The following STXBP5L variants were observed in gnomAD, a reference collection of about 807,000 sequenced individuals.
STXBP5L encodes syntaxin-binding protein 5-like.
In STXBP5L, 65 loss-of-function variants were observed where a neutral mutation model predicts 144.5. That is an observed-to-expected ratio of 0.45 (90% CI 0.37 to 0.55). The LOEUF (loss-of-function observed/expected upper bound fraction) is 0.55. Among genes scored for constraint, STXBP5L ranks in the 20% least tolerant of loss-of-function variants. The pLI is 0.00. For synonymous variants in STXBP5L, 505 were observed against 469.6 expected, an observed-to-expected ratio of 1.08 and a Z score of -0.97; for missense variants, 1,298 against 1,405.5, an observed-to-expected ratio of 0.92 and a Z score of 1.22.
At chr3:121,039,832 C>T (rs540044093) in intron 3 of STXBP5L, among the ~76,000 whole-genome samples, 5 of 152,032 alleles carry the variant, frequency 3.3e-5, no homozygotes, top group African/African-American at 1.2e-4. Context: ...TCTTTCTCTA[C>T]CCCTCAGTGA....
At chr3:121,279,538 C>T (rs768047594) in intron 18 of STXBP5L, among the ~76,000 whole-genome samples, 3 of 151,780 alleles carry the variant, frequency 2.0e-5, no homozygotes, top group Non-Finnish European at 4.4e-5. Flanking sequence ...GTTTAAAGAG[C>T]GGATTGGGTA....
chr3:120,962,817 C>A (rs549505298), intron 3 of STXBP5L, among the ~76,000 whole-genome samples: 1 of 152,166 alleles, frequency 6.6e-6, no homozygotes, highest in Non-Finnish European at 1.5e-5. Flanking sequence ...TGAAGAAAGT[C>A]ATTGGTAGCT....
chr3:121,134,175 G>A (rs1404048655), intron 7 of STXBP5L, among the ~76,000 whole-genome samples: 2 of 152,142 alleles, frequency 1.3e-5, no homozygotes, highest in African/African-American at 4.8e-5. Context: ...CTTCTTGCTG[G>A]TAGGGACTCT....
intron 5 of STXBP5L, among the ~76,000 whole-genome samples, chr3:121,055,182 A>C (rs1042667217): frequency 6.6e-6 from 1 of 152,210 alleles, no homozygotes; most frequent in African/African-American, 2.4e-5. Context: ...TTGTCATGTA[A>C]CATGAGAATA....
chr3:121,241,094 A>G (rs902876209), intron 14 of STXBP5L, among the ~76,000 whole-genome samples: 3 of 152,150 alleles, frequency 2.0e-5, no homozygotes, highest in African/African-American at 7.2e-5. Flanking sequence ...TAAGACAAAC[A>G]TAAGATGACT....
intron 3 of STXBP5L, among the ~76,000 whole-genome samples, chr3:121,001,701 C>G (rs1336689383): frequency 6.6e-6 from 1 of 152,184 alleles, no homozygotes; most frequent in African/African-American, 2.4e-5. Context: ...GGAATGAGTC[C>G]TAGTGCTCTG....
intron 18 of STXBP5L, among the ~76,000 whole-genome samples, chr3:121,263,708 T>C (rs1404678995): frequency 4.6e-5 from 7 of 152,016 alleles, no homozygotes; most frequent in African/African-American, 1.7e-4. Flanking sequence ...GAAGAAAGGA[T>C]ATCAGAGATT....
At chr3:120,930,376 TG>T (rs1709869802) in intron 2 of STXBP5L, among the ~76,000 whole-genome samples, 1 of 151,966 alleles carries the variant, frequency 6.6e-6, no homozygotes, top group Non-Finnish European at 1.5e-5. Context: ...CTTATATTGA[TG>T]TGTTTTGGCT....
chr3:121,040,636 AC>A (rs1347131117), intron 3 of STXBP5L, among the ~76,000 whole-genome samples: 1 of 151,768 alleles, frequency 6.6e-6, no homozygotes, highest in East Asian at 1.9e-4. Context: ...TTGCTACTCA[AC>A]CCTATGAACT....
chr3:121,381,214 G>T, intron 21 of STXBP5L, 79 bp from the exon 22 acceptor site: 1 of 1,378,886 alleles, frequency 7.3e-7, no homozygotes, highest in South Asian at 1.3e-5. Flanking sequence ...TCATAATTTT[G>T]ATTTATATAT....
chr3:120,937,959 AAGTGTTTAGTG>A (rs1487362942), intron 2 of STXBP5L, among the ~76,000 whole-genome samples: 1 of 152,100 alleles, frequency 6.6e-6, no homozygotes, highest in African/African-American at 2.4e-5. Context: ...TAAAATTGAG[AAGTGTTTAGTG>A]AGTGTTTAAG....
intron 9 of STXBP5L, among the ~76,000 whole-genome samples, chr3:121,185,688 T>G (rs1488879812): frequency 6.6e-6 from 1 of 152,218 alleles, no homozygotes; most frequent in Non-Finnish European, 1.5e-5. Context: ...CCATACTGTT[T>G]TGGTTACTAT....
chr3:121,054,594 TG>T (rs1181187170), intron 5 of STXBP5L, among the ~76,000 whole-genome samples: 4 of 70,528 alleles, frequency 5.7e-5, no homozygotes, highest in Non-Finnish European at 1.0e-4. Flanking sequence ...TGTTGTGGGG[TG>T]GGGGGAGGGG....
At chr3:121,251,586 T>C (rs574924295) in intron 15 of STXBP5L, among the ~76,000 whole-genome samples, 1 of 152,290 alleles carries the variant, frequency 6.6e-6, no homozygotes, top group African/African-American at 2.4e-5. Context: ...AGGTAACTCT[T>C]TTGGAAATAA....
At chr3:121,117,821 G>T (rs2044297027) in intron 6 of STXBP5L, among the ~76,000 whole-genome samples, 1 of 151,558 alleles carries the variant, frequency 6.6e-6, no homozygotes. Context: ...TGTATATATT[G>T]GTTATTTGGA....
chr3:121,030,450 G>T (rs547771920), intron 3 of STXBP5L, among the ~76,000 whole-genome samples: 1 of 152,088 alleles, frequency 6.6e-6, no homozygotes, highest in African/African-American at 2.4e-5. Flanking sequence ...AACACTGCAT[G>T]TTCTCACTCA....
At chr3:121,167,007 C>G (rs1297897873) in intron 9 of STXBP5L, among the ~76,000 whole-genome samples, 1 of 151,926 alleles carries the variant, frequency 6.6e-6, no homozygotes. Context: ...AACGAAGGAG[C>G]CTAAAAATAT....
At chr3:121,158,606 T>C (rs991067180) in intron 9 of STXBP5L, 1 of 152,180 alleles carries the variant, frequency 6.6e-6, no homozygotes, top group African/African-American at 2.4e-5. Context: ...AGATGCTTAC[T>C]TAGAGATGCT....
At chr3:120,999,729 A>G (rs1943624005) in intron 3 of STXBP5L, among the ~76,000 whole-genome samples, 2 of 152,022 alleles carry the variant, frequency 1.3e-5, no homozygotes, top group African/African-American at 4.8e-5. Flanking sequence ...CATTTTCAGG[A>G]TTAGCACTTC....
Sources: gnomAD v4.1 joint callset for allele counts (sites outside exome capture counted in the v4.1 genomes callset) on GRCh38, gnomAD v4.1.1 for gene constraint, MANE v1.5 for transcripts, NCBI Gene and HGNC (gene_info 2026-07-23, HGNC 2026-07-21) for gene names.